The following ADAMTSL3 variants were observed in gnomAD, a reference collection of about 807,000 sequenced individuals.
ADAMTSL3 encodes ADAMTS like 3, also known as ADAMTS-like protein 3.
ADAMTSL3 carries 128 observed loss-of-function variants against 201.7 expected under a neutral mutation model. The observed-to-expected ratio is 0.63, with a 90% CI of 0.55 to 0.73. The LOEUF (loss-of-function observed/expected upper bound fraction) is 0.73, where lower values mean the gene tolerates loss of function less well. Ranked by LOEUF, ADAMTSL3 falls within the 30% of genes least tolerant of loss-of-function variation. The pLI is 0.00. For synonymous variants in ADAMTSL3, 738 were observed against 748.4 expected, an observed-to-expected ratio of 0.99 and a Z score of 0.23; for missense variants, 1,990 against 2,119.6, an observed-to-expected ratio of 0.94 and a Z score of 1.20.
intron 6 of ADAMTSL3, among the ~76,000 whole-genome samples, chr15:83,824,399 TTAA>T (rs2063972907): frequency 2.0e-5 from 3 of 152,088 alleles, no homozygotes; most frequent in Non-Finnish European, 2.9e-5. Flanking sequence ...CCCTGCTTCC[TTAA>T]ACGCACAGCC....
At chr15:83,909,389 T>G (rs1473308568) in intron 15 of ADAMTSL3, among the ~76,000 whole-genome samples, 2 of 152,174 alleles carry the variant, frequency 1.3e-5, no homozygotes, top group African/African-American at 2.4e-5. Flanking sequence ...GTGTACCTTT[T>G]CAGGATGTAT....
chr15:83,745,278 T>C (rs1392037407), intron 3 of ADAMTSL3, among the ~76,000 whole-genome samples: 1 of 152,210 alleles, frequency 6.6e-6, no homozygotes, highest in Non-Finnish European at 1.5e-5. Flanking sequence ...AATTCATTCA[T>C]GCAACCTGAT....
chr15:83,976,030 A>T (rs2142142389), intron 20 of ADAMTSL3, among the ~76,000 whole-genome samples: 1 of 152,316 alleles, frequency 6.6e-6, no homozygotes, highest in African/African-American at 2.4e-5. Flanking sequence ...AGCAATGGGG[A>T]TGAATTCTAA....
In ADAMTSL3 at chr15:83,684,206, A is replaced by G. The variant is rs530281085; in HGVS notation, c.70-20183A>G. On this transcript the variant is annotated intron_variant, in intron 2 of 29. Coordinates refer to ENST00000286744, the MANE Select transcript of ADAMTSL3 (RefSeq NM_207517.3). ...TGTTAATAATTAAATGGATTAAATAAATAATACAGACACACACATTTACCA... is the reference window on the plus strand; with the variant it reads ...TGTTAATAATTAAATGGATTAAATAGATAATACAGACACACACATTTACCA... Among the ~76,000 whole-genome samples, 12 of 152,306 alleles carry G rather than the reference A, an allele frequency of 7.9e-5. No homozygotes were observed. The South Asian group carries it at 2.5e-3, about 32-fold the overall frequency.
intron 23 of ADAMTSL3, among the ~76,000 whole-genome samples, chr15:83,995,256 C>T (rs1282645860): frequency 6.6e-6 from 1 of 152,178 alleles, no homozygotes; most frequent in Non-Finnish European, 1.5e-5. Flanking sequence ...GCATCTCCAT[C>T]TCTACCACAG....
At chr15:83,904,686 A>G (rs1401055229) in intron 15 of ADAMTSL3, among the ~76,000 whole-genome samples, 1 of 152,204 alleles carries the variant, frequency 6.6e-6, no homozygotes, top group African/African-American at 2.4e-5. Context: ...GATATGGTTC[A>G]TTGGTTCATG....
intron 8 of ADAMTSL3, among the ~76,000 whole-genome samples, chr15:83,866,034 G>T (rs2064968513): frequency 6.6e-6 from 1 of 152,200 alleles, no homozygotes; most frequent in Non-Finnish European, 1.5e-5. Context: ...GGCCATCAGA[G>T]AAATGAAATC....
intron 2 of ADAMTSL3, among the ~76,000 whole-genome samples, chr15:83,668,071 T>C (rs1426486479): frequency 6.6e-6 from 1 of 152,082 alleles, no homozygotes; most frequent in Non-Finnish European, 1.5e-5. Flanking sequence ...CCATGTCCTC[T>C]TTATGCTGCT....
intron 21 of ADAMTSL3, 25 bp downstream of exon 21, chr15:83,983,369 T>G: frequency 7.1e-7 from 1 of 1,404,294 alleles, no homozygotes; most frequent in Non-Finnish European, 9.5e-7. Flanking sequence ...AATGCAGTAT[T>G]CATTTTTGCA....
At chr15:83,656,500 G>A (rs987492795) in intron 2 of ADAMTSL3, among the ~76,000 whole-genome samples, 5 of 152,164 alleles carry the variant, frequency 3.3e-5, no homozygotes, top group African/African-American at 9.7e-5. Context: ...CATAAGCCCA[G>A]GATTGCCAGA....
intron 7 of ADAMTSL3, among the ~76,000 whole-genome samples, chr15:83,840,668 T>C (rs1224376298): frequency 1.3e-5 from 2 of 151,936 alleles, no homozygotes; most frequent in Non-Finnish European, 2.9e-5. Context: ...GATAGAGGAG[T>C]AGCTGTAAGG....
At chr15:83,690,447 G>T (rs979824095) in intron 2 of ADAMTSL3, among the ~76,000 whole-genome samples, 2 of 152,108 alleles carry the variant, frequency 1.3e-5, no homozygotes, top group African/African-American at 4.8e-5. Context: ...GTCCTTGCCT[G>T]TGTTGTTCAT....
chr15:83,962,929 C>A (rs956074170), intron 19 of ADAMTSL3, among the ~76,000 whole-genome samples: 2 of 152,182 alleles, frequency 1.3e-5, no homozygotes, highest in Non-Finnish European at 2.9e-5. Flanking sequence ...GGAACTCCCT[C>A]CCCTAGCCAA....
chr15:84,008,385 A>G (rs971396607), intron 23 of ADAMTSL3, among the ~76,000 whole-genome samples: 12 of 152,186 alleles, frequency 7.9e-5, no homozygotes, highest in South Asian at 4.1e-4. Flanking sequence ...GTGAGCCACC[A>G]CACCAGGCCC....
chr15:83,680,513 GTT>G (rs55658833), intron 2 of ADAMTSL3, among the ~76,000 whole-genome samples: 11 of 134,434 alleles, frequency 8.2e-5, no homozygotes, highest in Admixed American at 3.0e-4. Context: ...CTTAGTTGTT[GTT>G]TTTTTTTTTT....
intron 4 of ADAMTSL3, among the ~76,000 whole-genome samples, chr15:83,782,039 T>C (rs2063178227): frequency 1.3e-5 from 2 of 152,086 alleles, no homozygotes; most frequent in Admixed American, 1.3e-4. Flanking sequence ...AAAACAGAAA[T>C]AACCGTTAGA....
intron 3 of ADAMTSL3, among the ~76,000 whole-genome samples, chr15:83,731,297 A>G (rs1396616925): frequency 6.6e-6 from 1 of 152,138 alleles, no homozygotes; most frequent in African/African-American, 2.4e-5. Context: ...CAACAGGTAT[A>G]TAAAAAGGTG....
chr15:83,991,293 G>A lies in ADAMTSL3; in HGVS notation c.3973+79G>A, dbSNP rs1168062172. On this transcript the variant is annotated intron_variant, in intron 23 of 29. Coordinates refer to ENST00000286744, the MANE Select transcript of ADAMTSL3 (RefSeq NM_207517.3). ...ATCCCAGTGTTGCCAGGAAACACCA[G>A]CTGGCATTTTGGTATTCGAGACCTC... 5.6e-6 allele frequency: 9 copies of A among 1,592,986 alleles called. No homozygotes were observed. The African/African-American group carries it at 1.1e-4, about 19-fold the overall frequency.
At chr15:84,024,822 G>C (rs1049552380) in intron 26 of ADAMTSL3, among the ~76,000 whole-genome samples, 3 of 152,218 alleles carry the variant, frequency 2.0e-5, no homozygotes, top group African/African-American at 7.2e-5. Flanking sequence ...AATAACATGA[G>C]AATTATACAA....
Sources: gnomAD v4.1 joint callset for allele counts (sites outside exome capture counted in the v4.1 genomes callset) on GRCh38, gnomAD v4.1.1 for gene constraint, MANE v1.5 for transcripts, NCBI Gene and HGNC (gene_info 2026-07-23, HGNC 2026-07-21) for gene names.